The following PRKG1 variants were observed in gnomAD, a reference collection of about 807,000 sequenced individuals.
PRKG1 encodes the protein protein kinase cGMP-dependent 1.
A neutral mutation model predicts 88.1 loss-of-function variants in PRKG1; 35 were observed. That is an observed-to-expected ratio of 0.40 (90% CI 0.30 to 0.53). The LOEUF is 0.53. Among genes scored for constraint, PRKG1 ranks in the 20% least tolerant of loss-of-function variants. The pLI, the probability that PRKG1 is intolerant of heterozygous loss-of-function variation, is 0.59. For synonymous variants in PRKG1, 303 were observed against 292.5 expected (o/e 1.04, Z -0.37); for missense variants, 540 against 839.8 (o/e 0.64, Z 4.41).
At chr10:52,024,883 T>C (rs1297643978) in intron 5 of PRKG1, among the ~76,000 whole-genome samples, 3 of 152,224 alleles carry the variant, frequency 2.0e-5, no homozygotes, top group Admixed American at 6.5e-5. Flanking sequence ...TTTCTAGTTC[T>C]AGATCCTTGA....
intron 10 of PRKG1, among the ~76,000 whole-genome samples, chr10:52,260,033 T>A (rs1016599009): frequency 2.0e-5 from 3 of 152,036 alleles, no homozygotes; most frequent in Non-Finnish European, 4.4e-5. Context: ...TTTTGCCTTA[T>A]CATTGAAAGA....
chr10:51,893,794 G>A (rs910790791), intron 4 of PRKG1, among the ~76,000 whole-genome samples: 4 of 152,064 alleles, frequency 2.6e-5, no homozygotes, highest in Non-Finnish European at 4.4e-5. Flanking sequence ...GAAGCTTCTC[G>A]GCTTTAAGTA....
At chr10:51,864,471 AT>A (rs1289805457) in intron 4 of PRKG1, among the ~76,000 whole-genome samples, 1 of 152,242 alleles carries the variant, frequency 6.6e-6, no homozygotes, top group Non-Finnish European at 1.5e-5. Context: ...ATTTAAGCTA[AT>A]CTGTTGACTC....
rs963100181 is a variant in PRKG1 at position 52,054,667 on chromosome 10, A to AT, written c.840+112dup. The AT allele has an allele frequency of 4.9e-5, 44 of 906,804 alleles. No homozygotes were observed. The Middle Eastern group carries it at 6.7e-4, about 14-fold the overall frequency. 56.2% of individuals were successfully genotyped at this position (906,804 alleles called of 1,614,324 possible). ...GTCTTGTGCTATATGAGTTTGTTCC[A>AT]TTTTTTGACACAGAGAGGTATTAGA... is the stretch of plus-strand genomic sequence containing the variant. On this transcript the variant is annotated intron_variant, in intron 6 of 17. Transcript: ENST00000373980.
intron 17 of PRKG1, among the ~76,000 whole-genome samples, chr10:52,291,359 C>T (rs1246248479): frequency 2.0e-5 from 3 of 150,236 alleles, no homozygotes; most frequent in Admixed American, 2.0e-4. Flanking sequence ...CACCCATTAA[C>T]TTGTCATTTA....
chr10:51,197,169 G>A (rs948081108), intron 2 of PRKG1, among the ~76,000 whole-genome samples: 1 of 152,128 alleles, frequency 6.6e-6, no homozygotes, highest in African/African-American at 2.4e-5. Flanking sequence ...TGAAAATTGA[G>A]ACGTAGATGG....
intron 3 of PRKG1, among the ~76,000 whole-genome samples, chr10:51,565,692 C>T (rs1322708955): frequency 6.6e-6 from 1 of 152,018 alleles, no homozygotes; most frequent in African/African-American, 2.4e-5. Context: ...ACCCTTGAAA[C>T]TTAAAACACT....
intron 3 of PRKG1, among the ~76,000 whole-genome samples, chr10:51,541,127 G>T (rs1842290418): frequency 6.6e-6 from 1 of 152,170 alleles, no homozygotes; most frequent in Non-Finnish European, 1.5e-5. Context: ...AGCAGGGTTG[G>T]GGTGGGGGAT....
In PRKG1 at chr10:51,721,228, A is replaced by G. The variant is rs959811282; in HGVS notation, c.593-83357A>G. ...AAGACCTATTAAAAAAAAAAAAAAA[A>G]AAAAGAAAAAAAAAGTAAAACACTT... On this transcript the variant is annotated intron_variant, in intron 3 of 17. Transcript: ENST00000373980. Among the ~76,000 whole-genome samples, 45 of 145,708 alleles carry G rather than the reference A, an allele frequency of 3.1e-4. 1 individual carries two copies. Among genetic ancestry groups the G allele is most frequent in the Admixed American group, 1.3e-3 (19 of 14,974 alleles).
At chr10:52,065,329 A>C (rs1846330565) in intron 7 of PRKG1, among the ~76,000 whole-genome samples, 1 of 152,180 alleles carries the variant, frequency 6.6e-6, no homozygotes, top group African/African-American at 2.4e-5. Flanking sequence ...AGTGTCTCCT[A>C]GGGAGGGACA....
chr10:51,439,363 T>C (rs955530892), intron 2 of PRKG1, among the ~76,000 whole-genome samples: 8 of 151,872 alleles, frequency 5.3e-5, no homozygotes, highest in African/African-American at 1.7e-4. Flanking sequence ...CAAGTACTTA[T>C]TTATCTTAAA....
chr10:51,203,915 T>TATGG (rs1837976414), intron 2 of PRKG1, among the ~76,000 whole-genome samples: 1 of 152,210 alleles, frequency 6.6e-6, no homozygotes, highest in Non-Finnish European at 1.5e-5. Context: ...AAGTCTCTCA[T>TATGG]ATGGATGGAT....
At chr10:51,425,811 C>T (rs1323681463) in intron 2 of PRKG1, among the ~76,000 whole-genome samples, 2 of 152,220 alleles carry the variant, frequency 1.3e-5, no homozygotes, top group Non-Finnish European at 2.9e-5. Context: ...GAGGAAATGC[C>T]TGTCATTTGC....
intron 4 of PRKG1, among the ~76,000 whole-genome samples, chr10:51,881,585 T>C (rs957557453): frequency 2.0e-5 from 3 of 152,184 alleles, no homozygotes; most frequent in African/African-American, 7.2e-5. Context: ...CACCTAGCCT[T>C]AGAACTGGCA....
chr10:51,873,080 T>C (rs1387170275), intron 4 of PRKG1, among the ~76,000 whole-genome samples: 1 of 152,174 alleles, frequency 6.6e-6, no homozygotes, highest in Admixed American at 6.5e-5. Flanking sequence ...TAATATCAAA[T>C]ACCTAATTAT....
intron 5 of PRKG1, among the ~76,000 whole-genome samples, chr10:51,951,401 C>T (rs1473018695): frequency 6.6e-6 from 1 of 152,160 alleles, no homozygotes; most frequent in African/African-American, 2.4e-5. Context: ...TGGTTGCCTG[C>T]CAGATGTTTT....
intron 3 of PRKG1, among the ~76,000 whole-genome samples, chr10:51,560,297 T>C (rs2132146862): frequency 6.6e-6 from 1 of 152,252 alleles, no homozygotes; most frequent in South Asian, 2.1e-4. Flanking sequence ...GAATGGAATG[T>C]TGATGATCTA....
At chr10:51,732,451 C>T (rs144656766) in intron 3 of PRKG1, among the ~76,000 whole-genome samples, 237 of 152,066 alleles carry the variant, frequency 1.6e-3, no homozygotes, top group African/African-American at 5.3e-3. Context: ...TTACATCTAA[C>T]GATTAATAAA....
In PRKG1 at chr10:51,550,044, C is replaced by T. The variant is rs566579085; in HGVS notation, c.592+82208C>T. Among the ~76,000 whole-genome samples the T allele has an allele frequency of 4.6e-5, 7 of 152,210 alleles. No individual in the cohort carries two copies. In the South Asian group the frequency reaches 1.5e-3, roughly 32 times the overall value. ...TTTACTGATCATAATAGAATTGTGTCACCTTTAATAATACTCAATTCCCTT... is the reference window on the plus strand; with the variant it reads ...TTTACTGATCATAATAGAATTGTGTTACCTTTAATAATACTCAATTCCCTT... On this transcript the variant is annotated intron_variant, in intron 3 of 17. Coordinates refer to ENST00000373980, the MANE Select transcript of PRKG1 (RefSeq NM_006258.4).
Sources: allele counts gnomAD v4.1 joint callset (sites outside exome capture counted in the v4.1 genomes callset), GRCh38; gene constraint gnomAD v4.1.1; transcripts MANE v1.5; gene names NCBI Gene and HGNC (gene_info 2026-07-23, HGNC 2026-07-21).